TKTL1: variants seen among roughly 807,000 people sequenced by gnomAD.
TKTL1 encodes transketolase like 1.
A neutral mutation model predicts 39.3 loss-of-function variants in TKTL1; 1 was observed. That is an observed-to-expected ratio of 0.03 (90% CI 0.01 to 0.12). The LOEUF is 0.12. Among genes scored for constraint, TKTL1 ranks in the 10% least tolerant of loss-of-function variants. The pLI is 1.00. For synonymous variants in TKTL1, 262 were observed against 193.8 expected, an observed-to-expected ratio of 1.35 and a Z score of -2.92; for missense variants, 575 against 509.6, an observed-to-expected ratio of 1.13 and a Z score of -1.24.
rs191591693 is a variant in TKTL1 at position 154,323,303 on chromosome X, C to T, written c.1283C>T (p.Thr428Met). Reference protein sequence around the residue: ...TIFYPTDAVSTEHAVALAANA... With the variant: ...TIFYPTDAVSMEHAVALAANA... ...TTCTACCCAACTGATGCCGTCTCCA[C>T]GGAGCATGCTGTTGCTCTGGCAGCC... is the stretch of plus-strand genomic sequence containing the variant. The change falls in exon 9 of 13, where the codon ACG becomes ATG. Residue 428 changes from threonine to methionine, a missense_variant. Thr to Met is a moderately conservative substitution (Grantham distance 81). Transcript: ENST00000369915. 101 of 1,209,924 alleles carry T rather than the reference C, an allele frequency of 8.3e-5. No homozygotes were observed. The highest frequency in any genetic ancestry group is 3.7e-4 in the Admixed American group (17 of 45,783).
chrX:154,306,440 G>C (rs1439323422), intron 2 of TKTL1, among the ~76,000 whole-genome samples: 3 of 111,446 alleles, frequency 2.7e-5, no homozygotes, highest in African/African-American at 9.8e-5. Flanking sequence ...CCCTTGTCTT[G>C]GTGTCTGAAC....
chrX:154,315,452 A>G (rs2067391999), intron 7 of TKTL1, 115 bp downstream of exon 7: 3 of 836,681 alleles, frequency 3.6e-6, no homozygotes. Context: ...CTGGAAAAAA[A>G]TTTCCTGGGA....
chrX:154,314,456 T>C (rs1291433238), intron 6 of TKTL1, among the ~76,000 whole-genome samples: 1 of 111,799 alleles, frequency 8.9e-6, no homozygotes, highest in East Asian at 2.8e-4. Flanking sequence ...TTCAGTGTTC[T>C]AGTGTTAGGT....
chrX:154,325,360 A>T lies in TKTL1; in HGVS notation c.1339A>T (p.Thr447Ser). 1 of 1,211,627 alleles carries T rather than the reference A, an allele frequency of 8.3e-7. No homozygotes were observed. The highest frequency in any genetic ancestry group is 1.1e-6 in the Non-Finnish European group (1 of 895,288). The change falls in exon 10 of 13, where the codon ACC (threonine) becomes TCC (serine). Residue 447 changes from threonine (T) to serine (S), a missense_variant. Physicochemically the swap from Thr to Ser is moderately conservative, Grantham distance 58. Transcript: ENST00000369915. ...CTAGGGGATGTGCTTCATTCGGACC[A>T]CCCGACCAGAAACTATGGTTATTTA... ...NAKGMCFIRT[T>S]RPETMVIYTP...
intron 7 of TKTL1, chrX:154,320,553 G>A (rs1233056510): frequency 2.3e-6 from 1 of 436,163 alleles, no homozygotes; most frequent in African/African-American, 2.5e-5. Flanking sequence ...TGCTCCCTAG[G>A]AGCTATGAGT....
intron 9 of TKTL1, among the ~76,000 whole-genome samples, chrX:154,323,952 C>G (rs952561039): frequency 2.7e-5 from 3 of 112,823 alleles, no homozygotes; most frequent in African/African-American, 9.7e-5. Context: ...TTCCCACTAA[C>G]GTTCAGCAGG....
chrX:154,315,085 A>G (rs185674272), intron 6 of TKTL1, 88 bp from the exon 7 acceptor site: 2 of 963,604 alleles, frequency 2.1e-6, no homozygotes, highest in African/African-American at 3.9e-5. Flanking sequence ...ATAATTTGTC[A>G]TTCTACAATA....
rs782707094 is a variant in TKTL1, at chrX:154,329,542, G to A, written c.1645G>A (p.Ala549Thr). The A allele has an allele frequency of 1.4e-5, 17 of 1,211,803 alleles. No homozygotes were observed. The South Asian group carries it at 2.6e-4, about 19-fold the overall frequency. ...TGGCATCGGGGAAGCTGTCTGCGCA[G>A]CCGTCTCCATGGATCCTGACATTCA... is the stretch of plus-strand genomic sequence containing the variant. ...QGGIGEAVCAAVSMDPDIQVH... is the reference protein window; with the variant it reads ...QGGIGEAVCATVSMDPDIQVH... The change falls in exon 13 of 13, where the codon GCC becomes ACC. Residue 549 changes from alanine to threonine, a missense_variant. Coordinates refer to ENST00000369915, the MANE Select transcript of TKTL1 (RefSeq NM_012253.4).
chrX:154,303,224 T>C (rs1335136889), intron 1 of TKTL1, among the ~76,000 whole-genome samples: 2 of 96,162 alleles, frequency 2.1e-5, no homozygotes, highest in Non-Finnish European at 4.1e-5. Context: ...TTTATTTATT[T>C]ATTTTGAGGC....
intron 1 of TKTL1, among the ~76,000 whole-genome samples, chrX:154,297,245 TTTTTTTG>T (rs1224777131): frequency 9.1e-6 from 1 of 110,446 alleles, no homozygotes; most frequent in African/African-American, 3.3e-5. Context: ...GTCTACAGGT[TTTTTTTG>T]TTTTTTTTTT....
At chrX:154,321,564 G>A (rs963289789) in intron 8 of TKTL1, among the ~76,000 whole-genome samples, 3 of 108,316 alleles carry the variant, frequency 2.8e-5, no homozygotes. Flanking sequence ...CTAACAGATG[G>A]AGCACTCTGC....
intron 1 of TKTL1, among the ~76,000 whole-genome samples, chrX:154,297,139 AAG>A (rs1557164788): frequency 8.9e-6 from 1 of 112,062 alleles, no homozygotes; most frequent in Non-Finnish European, 1.9e-5. Context: ...AATAAAGTAA[AAG>A]AAACCGGGAA....
chrX:154,311,832 A>C (rs2067360257), intron 5 of TKTL1, among the ~76,000 whole-genome samples: 1 of 111,086 alleles, frequency 9.0e-6, no homozygotes, highest in African/African-American at 3.3e-5. Context: ...TCAGTAAATT[A>C]TTTTACCAGT....
rs782085002 is a variant in TKTL1 at position 154,310,913 on chromosome X, A to G, written c.428A>G (p.Tyr143Cys). The G allele has an allele frequency of 2.5e-6, 3 of 1,210,248 alleles. No homozygotes were observed. Among genetic ancestry groups the G allele is most frequent in the African/African-American group, 1.7e-5 (1 of 57,291 alleles). The change falls in exon 4 of 13, where the codon TAC becomes TGC. Residue 143 changes from tyrosine (Y) to cysteine (C), a missense_variant. Coordinates refer to ENST00000369915, the MANE Select transcript of TKTL1 (RefSeq NM_012253.4). ...TGGGAGGCAATGGCCTTTGCTTCCTACTACAGTCTGGACAATCTTGTGGCA... is the reference window on the plus strand; with the variant it reads ...TGGGAGGCAATGGCCTTTGCTTCCTGCTACAGTCTGGACAATCTTGTGGCA... Reference protein sequence around the residue: ...SVWEAMAFASYYSLDNLVAIF... With the variant: ...SVWEAMAFASCYSLDNLVAIF...
rs782287506 is a variant in TKTL1 at position 154,325,512 on chromosome X, G to A, written c.1401+90G>A. The A allele has an allele frequency of 3.8e-6, 3 of 795,647 alleles. No individual in the cohort carries two copies. In the East Asian group the frequency reaches 9.6e-5, roughly 25 times the overall value. 65.6% of individuals were successfully genotyped at this position (795,647 alleles called of 1,213,427 possible). ...TATCACCAGCTATCTTCAGAGTTGA[G>A]ACATCATCCTTTCTTTGCTCTCATT... On this transcript the variant is annotated intron_variant, in intron 10 of 12. Coordinates refer to ENST00000369915, the MANE Select transcript of TKTL1 (RefSeq NM_012253.4).
chrX:154,309,417 A>G lies in TKTL1; in HGVS notation c.325A>G (p.Thr109Ala), dbSNP rs1557167853. The change falls in exon 3 of 13, where the codon ACT (threonine) becomes GCT (alanine). Residue 109 changes from threonine (T) to alanine (A), a missense_variant. Transcript: ENST00000369915. ...GLGVACGMAY[T>A]GKYFDRASYR... ...GGGAGTTGCATGTGGAATGGCATAT[A>G]CTGGCAAGTACTTCGACAGGGCCAG... The G allele has an allele frequency of 9.1e-6, 11 of 1,209,665 alleles. No individual in the cohort carries two copies. The highest frequency in any genetic ancestry group is 1.1e-5 in the Non-Finnish European group (10 of 894,323).
intron 2 of TKTL1, among the ~76,000 whole-genome samples, chrX:154,307,803 T>G (rs2067326770): frequency 8.9e-6 from 1 of 111,842 alleles, no homozygotes; most frequent in South Asian, 3.7e-4. Flanking sequence ...TACGTGAGTG[T>G]GGTGGGTGCC....
intron 9 of TKTL1, among the ~76,000 whole-genome samples, chrX:154,325,066 A>G (rs971330877): frequency 5.4e-5 from 6 of 111,904 alleles, no homozygotes; most frequent in Non-Finnish European, 5.6e-5. Context: ...GCCGTGAGTT[A>G]ATGTTCTGTC....
intron 10 of TKTL1, among the ~76,000 whole-genome samples, chrX:154,326,132 C>T (rs1207388917): frequency 2.7e-5 from 3 of 111,692 alleles, no homozygotes; most frequent in Non-Finnish European, 5.6e-5. Flanking sequence ...ATTATCAGTC[C>T]TATCTGTAGA....
Sources: gnomAD v4.1 joint callset for allele counts (sites outside exome capture counted in the v4.1 genomes callset) on GRCh38, gnomAD v4.1.1 for gene constraint, MANE v1.5 for transcripts, NCBI Gene and HGNC (gene_info 2026-07-23, HGNC 2026-07-21) for gene names.